The following GALNTL6 variants were observed in gnomAD, a reference collection of about 807,000 sequenced individuals.
GALNTL6 encodes the protein polypeptide N-acetylgalactosaminyltransferase-like 6.
In GALNTL6, 46 loss-of-function variants were observed where a neutral mutation model predicts 73.7. That is an observed-to-expected ratio of 0.62 (90% confidence interval 0.49 to 0.80). The LOEUF is 0.80. GALNTL6 is among the 30% of genes least tolerant of loss of function. The pLI is 0.00. For missense variants in GALNTL6, 604 were observed against 755.0 expected, an observed-to-expected ratio of 0.80 and a Z score of 2.34; for synonymous variants, 259 against 263.7, an observed-to-expected ratio of 0.98 and a Z score of 0.17.
At chr4:172,305,048 T>C (rs1740077746) in intron 3 of GALNTL6, among the ~76,000 whole-genome samples, 1 of 152,180 alleles carries the variant, frequency 6.6e-6, no homozygotes, top group Non-Finnish European at 1.5e-5. Flanking sequence ...CCTATATCTT[T>C]TCAATTATAG....
At chr4:172,184,384 T>C (rs1001743996) in intron 2 of GALNTL6, among the ~76,000 whole-genome samples, 3 of 152,160 alleles carry the variant, frequency 2.0e-5, no homozygotes, top group Non-Finnish European at 4.4e-5. Flanking sequence ...CTCTGATGTA[T>C]TGTGAGTGTT....
chr4:172,019,913 T>C (rs1741344125), intron 2 of GALNTL6, among the ~76,000 whole-genome samples: 1 of 152,134 alleles, frequency 6.6e-6, no homozygotes, highest in Non-Finnish European at 1.5e-5. Flanking sequence ...ATAAATCATA[T>C]GTGAGGTCAC....
At chr4:172,970,271 A>G (rs1214600719) in intron 10 of GALNTL6, among the ~76,000 whole-genome samples, 1 of 152,196 alleles carries the variant, frequency 6.6e-6, no homozygotes, top group East Asian at 1.9e-4. Flanking sequence ...TAAACAACAG[A>G]AAACAGGGTT....
At chr4:172,811,398 A>C (rs1741293395) in intron 6 of GALNTL6, among the ~76,000 whole-genome samples, 1 of 152,224 alleles carries the variant, frequency 6.6e-6, no homozygotes. Flanking sequence ...TTGATGGTCA[A>C]GGAACTTGTA....
intron 12 of GALNTL6, among the ~76,000 whole-genome samples, chr4:173,024,365 C>G (rs1019221575): frequency 6.6e-6 from 1 of 152,220 alleles, no homozygotes; most frequent in Middle Eastern, 3.2e-3. Context: ...TAATCAGGAA[C>G]ATGCAAAGGC....
chr4:171,829,741 G>A (rs1422387589), intron 2 of GALNTL6, among the ~76,000 whole-genome samples: 1 of 151,964 alleles, frequency 6.6e-6, no homozygotes. Flanking sequence ...ACCTGTTCAG[G>A]TAGTTTATTC....
chr4:171,846,367 T>A (rs1735367954), intron 2 of GALNTL6, among the ~76,000 whole-genome samples: 1 of 152,174 alleles, frequency 6.6e-6, no homozygotes, highest in Non-Finnish European at 1.5e-5. Context: ...ATTTCTTATC[T>A]TCTCCTTACA....
chr4:172,275,462 T>C (rs937324731), intron 3 of GALNTL6, among the ~76,000 whole-genome samples: 1 of 152,178 alleles, frequency 6.6e-6, no homozygotes, highest in African/African-American at 2.4e-5. Flanking sequence ...ACACCTGTAC[T>C]TCAGTTTCTA....
intron 4 of GALNTL6, among the ~76,000 whole-genome samples, chr4:172,317,345 G>A (rs1740595918): frequency 6.6e-6 from 1 of 152,134 alleles, no homozygotes; most frequent in South Asian, 2.1e-4. Context: ...CCGTAAGCGG[G>A]GATGCAAGTT....
intron 2 of GALNTL6, among the ~76,000 whole-genome samples, chr4:171,871,954 A>G (rs1736149109): frequency 6.6e-6 from 1 of 152,226 alleles, no homozygotes; most frequent in African/African-American, 2.4e-5. Flanking sequence ...ACCCTCCACA[A>G]TGATGTTGTC....
chr4:172,797,977 A>G (rs965589866), intron 5 of GALNTL6, among the ~76,000 whole-genome samples: 6 of 152,136 alleles, frequency 3.9e-5, no homozygotes, highest in African/African-American at 9.7e-5. Flanking sequence ...CAAAGCTCCA[A>G]ATGAATCTGT....
At chr4:172,577,978 A>C (rs945749933) in intron 5 of GALNTL6, among the ~76,000 whole-genome samples, 3 of 152,186 alleles carry the variant, frequency 2.0e-5, no homozygotes, top group African/African-American at 7.2e-5. Flanking sequence ...TAGACTGGGG[A>C]TAATGATGAC....
At chr4:172,001,133 T>A (rs1036881052) in intron 2 of GALNTL6, among the ~76,000 whole-genome samples, 1 of 152,212 alleles carries the variant, frequency 6.6e-6, no homozygotes, top group Non-Finnish European at 1.5e-5. Context: ...ATAAAGAATC[T>A]TCGCAACAAA....
At chr4:172,480,664 T>C (rs1446919208) in intron 5 of GALNTL6, among the ~76,000 whole-genome samples, 1 of 152,196 alleles carries the variant, frequency 6.6e-6, no homozygotes, top group Non-Finnish European at 1.5e-5. Flanking sequence ...AAGAATGTAT[T>C]ATTGTTCATG....
chr4:172,026,674 T>C (rs987826922), intron 2 of GALNTL6, among the ~76,000 whole-genome samples: 2 of 152,176 alleles, frequency 1.3e-5, no homozygotes, highest in Non-Finnish European at 2.9e-5. Flanking sequence ...TTCATTTCTA[T>C]GGTTTTGTAT....
At chr4:172,514,517 A>T (rs185765192) in intron 5 of GALNTL6, among the ~76,000 whole-genome samples, 19 of 152,268 alleles carry the variant, frequency 1.2e-4, no homozygotes, top group African/African-American at 4.6e-4. Flanking sequence ...TCTGCCGAGA[A>T]ATCAAGCAGG....
chr4:172,774,388 G>A (rs1205360193), intron 5 of GALNTL6, among the ~76,000 whole-genome samples: 3 of 152,158 alleles, frequency 2.0e-5, no homozygotes, highest in African/African-American at 7.2e-5. Flanking sequence ...GTTAGATTTA[G>A]TTAATAATGA....
chr4:172,548,501 G>A (rs766546341), intron 5 of GALNTL6, among the ~76,000 whole-genome samples: 1 of 152,090 alleles, frequency 6.6e-6, no homozygotes, highest in Non-Finnish European at 1.5e-5. Flanking sequence ...ATGGTATGTG[G>A]TTTAATTTTA....
intron 5 of GALNTL6, among the ~76,000 whole-genome samples, chr4:172,351,322 A>G (rs959134998): frequency 1.3e-5 from 2 of 152,084 alleles, no homozygotes; most frequent in African/African-American, 4.8e-5. Context: ...ATTTGGAGAA[A>G]TTAGGACTGC....
Sources: allele counts gnomAD v4.1 joint callset (sites outside exome capture counted in the v4.1 genomes callset), GRCh38; gene constraint gnomAD v4.1.1; transcripts MANE v1.5; gene names NCBI Gene and HGNC (gene_info 2026-07-23, HGNC 2026-07-21).